Variants in PIEZO2 observed in about 807,000 individuals in gnomAD.
PIEZO2 encodes piezo-type mechanosensitive ion channel component 2.
A neutral mutation model predicts 337.3 loss-of-function variants in PIEZO2; 172 were observed. That is an observed-to-expected ratio of 0.51 (90% CI 0.45 to 0.58). The LOEUF is 0.58. Among genes scored for constraint, PIEZO2 ranks in the 20% least tolerant of loss-of-function variants. The probability of loss-of-function intolerance (pLI) is 0.00; values close to 1 mark genes in which losing one functional copy is unlikely to be tolerated. For missense variants in PIEZO2, 3,028 were observed against 3,391.3 expected (o/e 0.89, Z 2.66); for synonymous variants, 1,251 against 1,228.5 (o/e 1.02, Z -0.38).
At chr18:10,977,546 GCTAACATTT>G (rs1290259928) in intron 3 of PIEZO2, among the ~76,000 whole-genome samples, 1 of 151,966 alleles carries the variant, frequency 6.6e-6, no homozygotes, top group African/African-American at 2.4e-5. Context: ...CATTATTGTT[GCTAACATTT>G]CTATTAAGTC....
At chr18:10,976,472 T>C (rs892029039) in intron 3 of PIEZO2, among the ~76,000 whole-genome samples, 1 of 152,228 alleles carries the variant, frequency 6.6e-6, no homozygotes, top group Non-Finnish European at 1.5e-5. Context: ...CTCTATTGGT[T>C]ACTTCATCAA....
At chr18:11,014,425 C>T (rs115006351) in intron 2 of PIEZO2, among the ~76,000 whole-genome samples, 1,974 of 143,700 alleles carry the variant, frequency 0.014, 44 homozygotes, top group African/African-American at 0.049. Context: ...CGTGGGACAG[C>T]GATCCGGAGC....
intron 16 of PIEZO2, 111 bp from the exon 17 acceptor site, chr18:10,785,068 A>C: frequency 8.2e-7 from 1 of 1,223,482 alleles, no homozygotes; most frequent in Admixed American, 2.7e-5. Context: ...TCTATCGTTT[A>C]TTGAATCCCT....
At chr18:10,999,685 GACAACTGT>G in intron 2 of PIEZO2, among the ~76,000 whole-genome samples, 1 of 152,246 alleles carries the variant, frequency 6.6e-6, no homozygotes, top group Non-Finnish European at 1.5e-5. Context: ...AATACTAAGA[GACAACTGT>G]ACTCTGCAGT....
At chr18:10,951,861 C>T (rs1376208487) in intron 3 of PIEZO2, among the ~76,000 whole-genome samples, 1 of 151,920 alleles carries the variant, frequency 6.6e-6, no homozygotes, top group Non-Finnish European at 1.5e-5. Flanking sequence ...CAAGAGTGTG[C>T]CAAAATATTC....
At position 10,759,922 on chromosome 18, in the gene PIEZO2, GAA is replaced by G; in HGVS notation, c.3451-15_3451-14del. The G allele has an allele frequency of 2.6e-6, 4 of 1,528,386 alleles. No homozygotes were observed. Among genetic ancestry groups the G allele is most frequent in the Non-Finnish European group, 3.5e-6 (4 of 1,140,978 alleles). 94.7% of individuals were successfully genotyped at this position (1,528,386 alleles called of 1,614,324 possible). ...TTAGGAAACAGGTCTGTGTAAAGAT[GAA>G]AAGAGGCAAAAAAAAAAAATCAGGC... On this transcript the variant is annotated splice_polypyrimidine_tract_variant and intron_variant, in intron 24 of 55. Coordinates refer to ENST00000674853, the MANE Select transcript of PIEZO2 (RefSeq NM_001378183.1). This position sits in a 1 kb window ranked among gnomAD's most constrained non-coding sequence, Gnocchi z 5.5.
Position 11,094,956 on chromosome 18 carries a change from C to G in PIEZO2, c.65-28734G>C, listed in dbSNP as rs971743674. ...AAAAGCCACCCGCTGGAAGGGGGCC[C>G]CAGGGCCATTTTCAGTGTGCCATTG... On this transcript the variant is annotated intron_variant, in intron 1 of 55. Coordinates refer to ENST00000674853, the MANE Select transcript of PIEZO2 (RefSeq NM_001378183.1). This position sits in a 1 kb window ranked among gnomAD's most constrained non-coding sequence, Gnocchi z 4.4. 2.6e-5 allele frequency among the ~76,000 whole-genome samples: 4 copies of G among 152,194 alleles called. No homozygotes were observed. Among genetic ancestry groups the G allele is most frequent in the Non-Finnish European group, 5.9e-5 (4 of 68,036 alleles).
intron 18 of PIEZO2, 93 bp downstream of exon 18, chr18:10,780,232 C>A (rs1368008742): frequency 2.9e-6 from 2 of 687,256 alleles, no homozygotes; most frequent in Non-Finnish European, 5.3e-6. Context: ...CACTATCTGA[C>A]AACACGATTT....
chr18:10,979,197 CTT>C lies in PIEZO2; in HGVS notation c.286+336_286+337del, dbSNP rs201916792. 2.4e-4 allele frequency among the ~76,000 whole-genome samples: 34 copies of C among 142,826 alleles called. No homozygotes were observed. The South Asian group carries it at 2.7e-3, about 11-fold the overall frequency. The allele number at this position is 142,826 out of a possible 152,430, so 93.7% of individuals were successfully genotyped here. A position where few individuals can be genotyped will look rare whatever the true frequency, so the allele number is the denominator to read the frequency against. ...CTATTCATCATGTTAGAAATTGTAC[CTT>C]TTTTTTTTTTTACTCGCTGTAATGA... On this transcript the variant is annotated intron_variant, in intron 3 of 55. Transcript: ENST00000674853. The surrounding 1 kb of genome is among the most constrained non-coding windows in gnomAD (Gnocchi z 4.0).
In PIEZO2 at chr18:11,104,099, T is replaced by C. The variant is rs184557995; in HGVS notation, c.65-37877A>G. Among the ~76,000 whole-genome samples, 58 of 152,304 alleles carry C rather than the reference T, an allele frequency of 3.8e-4. 1 individual carries two copies. The highest frequency in any genetic ancestry group is 1.3e-3 in the African/African-American group (56 of 41,570). On this transcript the variant is annotated intron_variant, in intron 1 of 55. Coordinates refer to ENST00000674853, the MANE Select transcript of PIEZO2 (RefSeq NM_001378183.1). The surrounding 1 kb of genome is among the most constrained non-coding windows in gnomAD (Gnocchi z 4.6). ...ACAATAGTGTAATAGGATGTTAAAA[T>C]TGGATTCTTCTTATCATAGCTTTCA...
At chr18:11,072,355 GC>G (rs1352455510) in intron 1 of PIEZO2, among the ~76,000 whole-genome samples, 3 of 152,090 alleles carry the variant, frequency 2.0e-5, no homozygotes, top group African/African-American at 7.2e-5. Context: ...AATTGACATG[GC>G]CCCCAAATAA....
In PIEZO2 at chr18:11,148,491, C is replaced by T; in HGVS notation, c.64+34G>A. Reference sequence around the variant, plus strand: ...CCCACCCAGGCGCCCCCCTCGTCCTCCTCAAGTGCCCTCGGAAAGCGGACC... The same window carrying T: ...CCCACCCAGGCGCCCCCCTCGTCCTTCTCAAGTGCCCTCGGAAAGCGGACC... On this transcript the variant is annotated intron_variant, in intron 1 of 55. Transcript: ENST00000674853. The surrounding 1 kb of genome is among the most constrained non-coding windows in gnomAD (Gnocchi z 5.2). 1 of 1,536,450 alleles carries T rather than the reference C, an allele frequency of 6.5e-7. No homozygotes were observed. The highest frequency in any genetic ancestry group is 8.7e-7 in the Non-Finnish European group (1 of 1,146,250).
chr18:10,736,695 TCTC>T lies in PIEZO2; in HGVS notation c.4721_4723del (p.Gly1574del). On this transcript the variant is annotated inframe_deletion, in exon 34 of 56. Transcript: ENST00000674853. ...ACTATCCGTTTCAAACAAATAATAA[TCTC>T]CACTCCTGACCACTAAGCAAAACAA... 1 of 1,537,004 alleles carries T rather than the reference TCTC, an allele frequency of 6.5e-7. No homozygotes were observed. Among genetic ancestry groups the T allele is most frequent in the Non-Finnish European group, 8.7e-7 (1 of 1,146,760 alleles).
At chr18:10,901,295 G>C (rs2043040154) in intron 4 of PIEZO2, among the ~76,000 whole-genome samples, 1 of 152,148 alleles carries the variant, frequency 6.6e-6, no homozygotes, top group African/African-American at 2.4e-5. Flanking sequence ...GAGACCCTCA[G>C]GGTTTTCTTT....
intron 15 of PIEZO2, among the ~76,000 whole-genome samples, chr18:10,788,181 C>A (rs145199488): frequency 2.0e-5 from 3 of 152,032 alleles, no homozygotes; most frequent in South Asian, 2.1e-4. Context: ...GAGGGCAGAT[C>A]GCTTGAAGCC....
rs2042874570 is a variant in PIEZO2, at chr18:10,895,526, C to G, written c.329+15660G>C. ...TGTTCAGTGACCACACCAGAGCCCC[C>G]CAGCTGGAACAGAGTGCCGGGGAAT... On this transcript the variant is annotated intron_variant, in intron 4 of 55. Transcript: ENST00000674853. The surrounding 1 kb of genome is among the most constrained non-coding windows in gnomAD (Gnocchi z 4.8). Among the ~76,000 whole-genome samples, 1 of 152,054 alleles carries G rather than the reference C, an allele frequency of 6.6e-6. No homozygotes were observed. The highest frequency in any genetic ancestry group is 6.6e-5 in the Admixed American group (1 of 15,258).
chr18:11,015,395 C>A (rs1236520229), intron 2 of PIEZO2, among the ~76,000 whole-genome samples: 2 of 152,222 alleles, frequency 1.3e-5, no homozygotes, highest in East Asian at 3.9e-4. Flanking sequence ...TTCACCAAAC[C>A]TCCCTGATTT....
intron 30 of PIEZO2, among the ~76,000 whole-genome samples, chr18:10,745,905 C>T (rs1330061670): frequency 6.6e-6 from 1 of 152,200 alleles, no homozygotes; most frequent in African/African-American, 2.4e-5. Context: ...AGTCTTCCCT[C>T]CCTGTTTGAG....
chr18:10,748,706 G>A lies in PIEZO2; in HGVS notation c.4265-76C>T. 2.3e-6 allele frequency: 3 copies of A among 1,325,972 alleles called. No individual in the cohort carries two copies. Among genetic ancestry groups the A allele is most frequent in the Non-Finnish European group, 2.0e-6 (2 of 1,008,228 alleles). 82.1% of individuals were successfully genotyped at this position (1,325,972 alleles called of 1,614,324 possible). On this transcript the variant is annotated intron_variant, in intron 29 of 55. Coordinates refer to ENST00000674853, the MANE Select transcript of PIEZO2 (RefSeq NM_001378183.1). This position sits in a 1 kb window ranked among gnomAD's most constrained non-coding sequence, Gnocchi z 5.1. Reference sequence around the variant, plus strand: ...GTAATTTTATAAAATCTGAGGTATGGTCAGGCTTGGGAAATATAGGCATAA... The same window carrying A: ...GTAATTTTATAAAATCTGAGGTATGATCAGGCTTGGGAAATATAGGCATAA...
Sources: gnomAD v4.1 joint callset for allele counts (sites outside exome capture counted in the v4.1 genomes callset) on GRCh38, gnomAD v4.1.1 for gene constraint, Gnocchi (gnomAD v3.1) non-coding constraint, MANE v1.5 for transcripts, NCBI Gene and HGNC (gene_info 2026-07-23, HGNC 2026-07-21) for gene names.